Variants in SLC38A10 observed in about 807,000 individuals in gnomAD.
SLC38A10 encodes the protein Sodium-coupled neutral amino acid transporter 10.
Under a neutral mutation model 81.0 loss-of-function variants are expected in SLC38A10, and 53 were observed. The ratio of observed to expected loss-of-function variants is 0.65; its 90% CI spans 0.53 to 0.82. The LOEUF is 0.82. Among genes scored for constraint, SLC38A10 ranks in the 40% least tolerant of loss-of-function variants. The probability of loss-of-function intolerance (pLI) is 0.00; values close to 1 mark genes in which losing one functional copy is unlikely to be tolerated. For missense variants in SLC38A10, 1,471 were observed against 1,545.0 expected (o/e 0.95, Z 0.80); for synonymous variants, 665 against 655.3 (o/e 1.01, Z -0.23).
rs1214916279 is a variant in SLC38A10, at chr17:81,283,517, G to A, written c.264-15C>T. On this transcript the variant is annotated splice_polypyrimidine_tract_variant and intron_variant, in intron 3 of 15. Transcript: ENST00000374759. This position sits in a 1 kb window ranked among gnomAD's most constrained non-coding sequence, Gnocchi z 4.7. ...GCCCGATCATGCTGCACAGGGACGG[G>A]GGGTACGGGAAATGCCATCAGGGCA... 8 of 1,599,706 alleles carry A rather than the reference G, an allele frequency of 5.0e-6. No individual in the cohort carries two copies. Among genetic ancestry groups the A allele is most frequent in the Middle Eastern group, 1.6e-4 (1 of 6,068 alleles).
chr17:81,277,189 C>A lies in SLC38A10; in HGVS notation c.627-56G>T. 6.6e-7 allele frequency: 1 copy of A among 1,517,954 alleles called. No homozygotes were observed. Among genetic ancestry groups the A allele is most frequent in the Non-Finnish European group, 9.1e-7 (1 of 1,097,352 alleles). 94.0% of individuals were successfully genotyped at this position (1,517,954 alleles called of 1,614,324 possible). A position where few individuals can be genotyped will look rare whatever the true frequency, so the allele number is the denominator to read the frequency against. On this transcript the variant is annotated intron_variant, in intron 6 of 15. Coordinates refer to ENST00000374759, the MANE Select transcript of SLC38A10 (RefSeq NM_001037984.3). The surrounding 1 kb of genome is among the most constrained non-coding windows in gnomAD (Gnocchi z 4.5). ...CCTGAGAGAGGCACGCCCTCCCCAGCGGCTCCACTTCTAGGACCTCTCTGC... is the reference window on the plus strand; with the variant it reads ...CCTGAGAGAGGCACGCCCTCCCCAGAGGCTCCACTTCTAGGACCTCTCTGC...
In SLC38A10 at chr17:81,276,192, C is replaced by T. The variant is rs373116584; in HGVS notation, c.730-41G>A. ...AAATGGCAACGTGGCAGACAGACAT[C>T]CTAGCCGAGTGGCACCTGTCACAGT... On this transcript the variant is annotated intron_variant, in intron 7 of 15. Transcript: ENST00000374759. This position sits in a 1 kb window ranked among gnomAD's most constrained non-coding sequence, Gnocchi z 4.7. The T allele has an allele frequency of 2.6e-6, 4 of 1,551,460 alleles. No individual in the cohort carries two copies. The highest frequency in any genetic ancestry group is 2.4e-5 in the East Asian group (1 of 42,072).
At position 81,276,100 on chromosome 17, in the gene SLC38A10, G is replaced by C; in HGVS notation, c.781C>G (p.Leu261Val). The C allele has an allele frequency of 6.2e-7, 1 of 1,613,872 alleles. No homozygotes were observed. Among genetic ancestry groups the C allele is most frequent in the Non-Finnish European group, 8.5e-7 (1 of 1,179,958 alleles). Residue 261 changes from leucine (L) to valine (V), a missense_variant, in exon 8 of 16, where the codon CTC becomes GTC. Physicochemically the swap from Leu to Val is conservative, Grantham distance 32 (BLOSUM62 1). Around this residue, in one of 2 missense-constraint regions of SLC38A10, gnomAD observed 720 missense variants for 827.7 expected, o/e 0.87. Transcript: ENST00000374759. The surrounding 1 kb of genome is among the most constrained non-coding windows in gnomAD (Gnocchi z 4.7). ...ACCAGGTTGGAGGGAAAGTGCATGA[G>C]CACGTTGCCGGCCGTGGCCTCGGTG... ...SFTEATAGNV[L>V]MHFPSNLVTE...
At chr17:81,251,045 C>G (rs946984256) in intron 14 of SLC38A10, 3 of 1,436,754 alleles carry the variant, frequency 2.1e-6, no homozygotes, top group Non-Finnish European at 2.7e-6. Flanking sequence ...GGCACAGCCA[C>G]CCCCAAACTG....
At chr17:81,256,534 G>A (rs1029917968) in intron 11 of SLC38A10, among the ~76,000 whole-genome samples, 3 of 152,200 alleles carry the variant, frequency 2.0e-5, no homozygotes, top group African/African-American at 7.2e-5. Flanking sequence ...GCCCCCAGAC[G>A]AAGTGACTTT....
At chr17:81,272,413 A>T (rs2063124631) in intron 9 of SLC38A10, 103 bp downstream of exon 9, 1 of 601,900 alleles carries the variant, frequency 1.7e-6, no homozygotes, top group African/African-American at 1.9e-5. Flanking sequence ...TTAAGAGACC[A>T]GAGAAGATGG....
intron 11 of SLC38A10, among the ~76,000 whole-genome samples, chr17:81,254,738 G>A (rs181881072): frequency 1.3e-5 from 2 of 152,190 alleles, no homozygotes; most frequent in Non-Finnish European, 2.9e-5. Flanking sequence ...GAGCCACCGC[G>A]CCTGGCCCAA....
chr17:81,284,300 C>G (rs575819975), intron 3 of SLC38A10, among the ~76,000 whole-genome samples: 2 of 151,986 alleles, frequency 1.3e-5, no homozygotes, highest in Non-Finnish European at 2.9e-5. Context: ...TGCAGTGAGC[C>G]GAGATCACAG....
chr17:81,262,090 A>G (rs752746528), intron 10 of SLC38A10, among the ~76,000 whole-genome samples: 1 of 152,212 alleles, frequency 6.6e-6, no homozygotes, highest in African/African-American at 2.4e-5. Flanking sequence ...AAGAAACCGG[A>G]ACTCTCGCGA....
chr17:81,281,837 G>A lies in SLC38A10; in HGVS notation c.501+352C>T, dbSNP rs1201904855. ...CACCTTGTGTCAAAACACTGGCACCGTGAGCCTTGGTCACAAACCCTACAT... is the reference window on the plus strand; with the variant it reads ...CACCTTGTGTCAAAACACTGGCACCATGAGCCTTGGTCACAAACCCTACAT... On this transcript the variant is annotated intron_variant, in intron 5 of 15. Coordinates refer to ENST00000374759, the MANE Select transcript of SLC38A10 (RefSeq NM_001037984.3). The surrounding 1 kb of genome is among the most constrained non-coding windows in gnomAD (Gnocchi z 5.3). Among the ~76,000 whole-genome samples the A allele has an allele frequency of 4.6e-5, 7 of 152,182 alleles. No individual in the cohort carries two copies. Among genetic ancestry groups the A allele is most frequent in the African/African-American group, 9.7e-5 (4 of 41,432 alleles).
chr17:81,263,853 G>C (rs2063045938), intron 10 of SLC38A10: 1 of 152,568 alleles, frequency 6.6e-6, no homozygotes, highest in African/African-American at 2.4e-5. Flanking sequence ...GTGTGTGTGA[G>C]CACCTTTCAC....
intron 11 of SLC38A10, among the ~76,000 whole-genome samples, chr17:81,255,860 G>A (rs2146896768): frequency 6.6e-6 from 1 of 152,326 alleles, no homozygotes; most frequent in Non-Finnish European, 1.5e-5. Context: ...TGCCGCGCCT[G>A]TATTCTCGGC....
At chr17:81,278,524 C>T (rs1027057173) in intron 6 of SLC38A10, among the ~76,000 whole-genome samples, 7 of 152,144 alleles carry the variant, frequency 4.6e-5, no homozygotes, top group Non-Finnish European at 1.0e-4. Context: ...CAGGGGACCC[C>T]GCAGGACATG....
rs1317479989 is a variant in SLC38A10 at position 81,277,049 on chromosome 17, G to A, written c.711C>T (p.Val237=). 2.5e-6 allele frequency: 4 copies of A among 1,613,926 alleles called. No homozygotes were observed. The highest frequency in any genetic ancestry group is 3.4e-6 in the Non-Finnish European group (4 of 1,179,892). Residue 237 remains valine (V), a synonymous_variant, in exon 7 of 16, where the codon GTC becomes GTT. Transcript: ENST00000374759. This position sits in a 1 kb window ranked among gnomAD's most constrained non-coding sequence, Gnocchi z 4.5. ...SSIFASSLNV[V]TTFYVMVGFF... ...CTCTTACCATGACGTAGAAGGTGGT[G>A]ACCACATTAAGGGAGGAAGCAAATA...
In SLC38A10 at chr17:81,251,533, C is replaced by A; in HGVS notation, c.2025G>T (p.Val675=). 6.4e-7 allele frequency: 1 copy of A among 1,569,148 alleles called. No homozygotes were observed. Among genetic ancestry groups the A allele is most frequent in the Non-Finnish European group, 8.6e-7 (1 of 1,161,734 alleles). The part of the protein sequence containing the change: ...LPPEPREQRD[V]ERAGGNQAAS... ...CCGCCTGGTTTCCACCCGCTCGCTC[C>A]ACGTCCCTCTGCTCGCGAGGCTCGG... Residue 675 remains valine, a synonymous_variant, in exon 14 of 16, where the codon GTG becomes GTT. Coordinates refer to ENST00000374759, the MANE Select transcript of SLC38A10 (RefSeq NM_001037984.3).
chr17:81,259,129 T>A (rs1373822774), intron 11 of SLC38A10, among the ~76,000 whole-genome samples: 1 of 152,200 alleles, frequency 6.6e-6, no homozygotes, highest in Non-Finnish European at 1.5e-5. Context: ...ACGGCTGAGA[T>A]GGCGTCCCCA....
rs898943692 is a variant in SLC38A10, at chr17:81,272,414, G to C, written c.1024+102C>G. ...GTCTCTAGACTTTTTTAAGAGACCA[G>C]AGAAGATGGTCTCTGTGCAGGTCTC... On this transcript the variant is annotated intron_variant, in intron 9 of 15. Transcript: ENST00000374759. 3.1e-5 allele frequency: 19 copies of C among 611,142 alleles called. 1 individual carries two copies. The highest frequency in any genetic ancestry group is 5.1e-5 in the Non-Finnish European group (19 of 372,776). 37.9% of individuals were successfully genotyped at this position (611,142 alleles called of 1,614,324 possible). A position where few individuals can be genotyped will look rare whatever the true frequency, so the allele number is the denominator to read the frequency against.
Position 81,276,130 on chromosome 17 carries a change from T to C in SLC38A10, c.751A>G (p.Ser251Gly). Residue 251 changes from serine (S) to glycine (G), a missense_variant, in exon 8 of 16, where the codon AGC (serine) becomes GGC (glycine). This residue lies in a region of SLC38A10 where 720 missense variants were observed against 827.7 expected (regional missense o/e 0.87). Transcript: ENST00000374759. The surrounding 1 kb of genome is among the most constrained non-coding windows in gnomAD (Gnocchi z 4.7). ...TTGCCGGCCGTGGCCTCGGTGAAGC[T>C]GACGTAGCCGAAAAACCCCACCTGT... Reference protein sequence around the residue: ...YVMVGFFGYVSFTEATAGNVL... With the variant: ...YVMVGFFGYVGFTEATAGNVL... 6.2e-7 allele frequency: 1 copy of C among 1,612,086 alleles called. No homozygotes were observed. Among genetic ancestry groups the C allele is most frequent in the East Asian group, 2.2e-5 (1 of 44,832 alleles).
rs753765012 is a variant in SLC38A10 at position 81,277,132 on chromosome 17, G to A, written c.628C>T (p.Gln210Ter). 1.4e-5 allele frequency: 22 copies of A among 1,613,622 alleles called. No homozygotes were observed. Among genetic ancestry groups the A allele is most frequent in the Admixed American group, 1.7e-5 (1 of 60,012 alleles). The change falls in exon 7 of 16, where the codon CAG becomes TAG. Residue 210 changes from glutamine to a stop codon, truncating the protein, a stop_gained and splice_region_variant. Coordinates refer to ENST00000374759, the MANE Select transcript of SLC38A10 (RefSeq NM_001037984.3). LOFTEE classifies it high-confidence loss of function. The surrounding 1 kb of genome is among the most constrained non-coding windows in gnomAD (Gnocchi z 4.5). ...IFGMSFACQS[Q>*]VLPTYDSLDE... ...AGGCTGTCGTAGGTGGGCAGCACCT[G>A]GCTGTATAGAAACAGGCCATTTCAC...
Sources: allele counts gnomAD v4.1 joint callset (sites outside exome capture counted in the v4.1 genomes callset), GRCh38; gene constraint gnomAD v4.1.1; regional missense constraint gnomAD v4.1.1; non-coding constraint Gnocchi (gnomAD v3.1); transcripts MANE v1.5; gene names NCBI Gene and HGNC (gene_info 2026-07-23, HGNC 2026-07-21).